Variants in GNB5 observed in about 807,000 individuals in gnomAD.
GNB5 encodes the protein G protein subunit beta 5, also known as guanine nucleotide-binding protein subunit beta-5.
A neutral mutation model predicts 55.3 loss-of-function variants in GNB5; 37 were observed. The ratio of observed to expected loss-of-function variants is 0.67; its 90% CI spans 0.51 to 0.88. The LOEUF is 0.88. GNB5 is among the 40% of genes least tolerant of loss of function. The pLI is 0.00. For synonymous variants in GNB5, 219 were observed against 198.5 expected, an observed-to-expected ratio of 1.10 and a Z score of -0.87; for missense variants, 476 against 515.3, an observed-to-expected ratio of 0.92 and a Z score of 0.74.
chr15:52,171,892 G>C (rs761931698), intron 3 of GNB5, among the ~76,000 whole-genome samples: 1 of 152,190 alleles, frequency 6.6e-6, no homozygotes, highest in Admixed American at 6.5e-5. Context: ...ATTTAGTCTA[G>C]ATTTGTACTC....
At chr15:52,126,410 A>T (rs2033431465) in intron 10 of GNB5, among the ~76,000 whole-genome samples, 1 of 152,216 alleles carries the variant, frequency 6.6e-6, no homozygotes, top group South Asian at 2.1e-4. Flanking sequence ...GTCACCCTAA[A>T]TCCTAGAGGT....
At position 52,131,557 on chromosome 15, in the gene GNB5, T is replaced by C. The variant is rs192854343; in HGVS notation, c.863+1821A>G. Among the ~76,000 whole-genome samples, 202 of 152,342 alleles carry C rather than the reference T, an allele frequency of 1.3e-3. 1 individual carries two copies. Among genetic ancestry groups the C allele is most frequent in the Non-Finnish European group, 2.1e-3 (143 of 68,028 alleles). On this transcript the variant is annotated intron_variant, in intron 9 of 12. Coordinates refer to ENST00000261837, the MANE Select transcript of GNB5 (RefSeq NM_016194.4). The stretch of plus-strand genomic sequence containing the variant: ...TTATTAATACACAGGGGCTTATTTT[T>C]GTGGCTTTATCTTCTATCTTGCATT...
intron 1 of GNB5, 116 bp from the exon 2 acceptor site, chr15:52,184,810 A>C: frequency 2.9e-6 from 2 of 691,352 alleles, no homozygotes; most frequent in East Asian, 5.4e-5. Flanking sequence ...TGTGGGATAG[A>C]GTATATGCAG....
rs2034005119 is a variant in GNB5, at chr15:52,147,633, C to T, written c.418-98G>A. The T allele has an allele frequency of 6.8e-6, 4 of 584,884 alleles. No individual in the cohort carries two copies. In the East Asian group the frequency reaches 1.5e-4, roughly 21 times the overall value. The allele number at this position is 584,884 out of a possible 1,614,324, so 36.2% of individuals were successfully genotyped here. On this transcript the variant is annotated intron_variant, in intron 5 of 12. Coordinates refer to ENST00000261837, the MANE Select transcript of GNB5 (RefSeq NM_016194.4). ...ATGGAGTCTCACTCTGTTGCCCAGG[C>T]TGGAGTGCAGTGGCACAATCTCAGC...
intron 1 of GNB5, among the ~76,000 whole-genome samples, chr15:52,188,626 GAA>G (rs1484261702): frequency 6.6e-6 from 1 of 152,154 alleles, no homozygotes; most frequent in East Asian, 1.9e-4. Context: ...ATTTTGACAA[GAA>G]AGACAGAAAT....
chr15:52,180,001 T>G, intron 2 of GNB5, 122 bp from the exon 3 acceptor site: 2 of 1,251,638 alleles, frequency 1.6e-6, no homozygotes, highest in Non-Finnish European at 2.0e-6. Flanking sequence ...CCCTCCGCGA[T>G]GACGCCAGCA....
chr15:52,140,059 C>T lies in GNB5; in HGVS notation c.627+1081G>A, dbSNP rs951335889. On this transcript the variant is annotated intron_variant, in intron 7 of 12. Coordinates refer to ENST00000261837, the MANE Select transcript of GNB5 (RefSeq NM_016194.4). The stretch of plus-strand genomic sequence containing the variant: ...CAAGTCTGCAAGATTCCTGGTTAGG[C>T]TCAAATAATAGGTGTAAACAACAGG... 3 of 899,572 alleles carry T rather than the reference C, an allele frequency of 3.3e-6. No homozygotes were observed. In the African/African-American group the frequency reaches 5.3e-5, roughly 16 times the overall value. 55.7% of individuals were successfully genotyped at this position (899,572 alleles called of 1,614,324 possible). A position where few individuals can be genotyped will look rare whatever the true frequency, so the allele number is the denominator to read the frequency against.
intron 7 of GNB5, chr15:52,137,283 T>A: frequency 1.8e-6 from 2 of 1,140,182 alleles, no homozygotes; most frequent in Non-Finnish European, 2.2e-6. Flanking sequence ...GCATGAGAAG[T>A]GCTGGGATCC....
chr15:52,172,838 C>G (rs1402970195), intron 3 of GNB5, among the ~76,000 whole-genome samples: 1 of 152,168 alleles, frequency 6.6e-6, no homozygotes, highest in East Asian at 1.9e-4. Context: ...CTAGCGATAA[C>G]AAGTTCCTTG....
chr15:52,149,562 T>C, intron 5 of GNB5: 2 of 576,824 alleles, frequency 3.5e-6, no homozygotes, highest in South Asian at 2.3e-5. Context: ...TGGTGCCTCT[T>C]ATCACTCAGA....
chr15:52,153,386 C>T (rs1184926232), intron 4 of GNB5, among the ~76,000 whole-genome samples: 1 of 152,190 alleles, frequency 6.6e-6, no homozygotes, highest in African/African-American at 2.4e-5. Context: ...TGAGCCCGAA[C>T]CACCCAATGG....
Position 52,135,127 on chromosome 15 carries a change from T to C in GNB5, c.771+486A>G, listed in dbSNP as rs192839117. On this transcript the variant is annotated intron_variant, in intron 8 of 12. Transcript: ENST00000261837. ...CACCCTGTGATGGGAGGGAGGATGG[T>C]GGCTGGCAGGGGTAGGGTAGGAGAG... 1.1e-4 allele frequency among the ~76,000 whole-genome samples: 17 copies of C among 152,068 alleles called. No homozygotes were observed. The East Asian group carries it at 2.9e-3, about 26-fold the overall frequency.
At chr15:52,180,550 G>GA (rs1486519112) in intron 2 of GNB5, 1 of 152,250 alleles carries the variant, frequency 6.6e-6, no homozygotes, top group African/African-American at 2.4e-5. Context: ...CTTCACGCAG[G>GA]AATCAGGTCC....
chr15:52,128,954 C>A (rs1162238163), intron 9 of GNB5, among the ~76,000 whole-genome samples: 4 of 127,058 alleles, frequency 3.1e-5, no homozygotes, highest in Non-Finnish European at 6.5e-5. Context: ...ATTGTTTCTC[C>A]TTTTTTTTTT....
In GNB5 at chr15:52,154,014, G is replaced by C; in HGVS notation, c.301C>G (p.Leu101Val). 1 of 1,614,008 alleles carries C rather than the reference G, an allele frequency of 6.2e-7. No homozygotes were observed. The highest frequency in any genetic ancestry group is 8.5e-7 in the Non-Finnish European group (1 of 1,179,894). ...GQFVMKTRRT[L>V]KGHGNKVLCM... Reference sequence around the variant, plus strand: ...AGGACTTTGTTCCCGTGGCCTTTGAGGGTCCTTCTGGTCTTCATGACAAAC... The same window carrying C: ...AGGACTTTGTTCCCGTGGCCTTTGACGGTCCTTCTGGTCTTCATGACAAAC... The change falls in exon 4 of 13, where the codon CTC (leucine) becomes GTC (valine). Residue 101 changes from leucine to valine, a missense_variant. Physicochemically the swap from Leu to Val is conservative, Grantham distance 32 (BLOSUM62 1). Transcript: ENST00000261837.
chr15:52,140,825 C>T (rs973629585), intron 7 of GNB5, among the ~76,000 whole-genome samples: 6 of 152,206 alleles, frequency 3.9e-5, no homozygotes, highest in Non-Finnish European at 5.9e-5. Context: ...CACGTTAGCA[C>T]GCAGACCAGG....
At chr15:52,141,433 CTT>C (rs879876222) in intron 6 of GNB5, among the ~76,000 whole-genome samples, 161 bp from the exon 7 acceptor site, 3 of 143,468 alleles carry the variant, frequency 2.1e-5, no homozygotes, top group Admixed American at 7.0e-5. Context: ...TTCTTTCTTT[CTT>C]TTTTTTTTTT....
chr15:52,146,310 T>C (rs2033975895), intron 6 of GNB5, among the ~76,000 whole-genome samples: 1 of 152,156 alleles, frequency 6.6e-6, no homozygotes, highest in Non-Finnish European at 1.5e-5. Context: ...AGAAATATTT[T>C]GAATGGTCTC....
intron 10 of GNB5, among the ~76,000 whole-genome samples, chr15:52,127,314 GTTT>G (rs2033455052): frequency 6.6e-6 from 1 of 152,162 alleles, no homozygotes; most frequent in African/African-American, 2.4e-5. Context: ...ATTTTCAGGT[GTTT>G]ACTTGCCATT....
Sources: allele counts gnomAD v4.1 joint callset (sites outside exome capture counted in the v4.1 genomes callset), GRCh38; gene constraint gnomAD v4.1.1; transcripts MANE v1.5; gene names NCBI Gene and HGNC (gene_info 2026-07-23, HGNC 2026-07-21).